Variants in FAM13B observed in about 807,000 individuals in gnomAD.
The protein encoded by FAM13B is protein FAM13B.
A neutral mutation model predicts 117.3 loss-of-function variants in FAM13B; 60 were observed. The observed-to-expected ratio is 0.51, with a 90% CI of 0.42 to 0.63. The LOEUF is 0.63. FAM13B is among the 30% of genes least tolerant of loss of function. FAM13B has a pLI of 0.00. For missense variants in FAM13B, 972 were observed against 1,091.9 expected (o/e 0.89, Z 1.55); for synonymous variants, 332 against 356.1 (o/e 0.93, Z 0.76).
intron 10 of FAM13B, among the ~76,000 whole-genome samples, chr5:137,977,158 G>A (rs1239733516): frequency 1.2e-4 from 18 of 152,122 alleles, no homozygotes. Context: ...ATAAGCCCCA[G>A]TCTCCCATAG....
chr5:138,019,452 T>C (rs745386618), intron 2 of FAM13B, among the ~76,000 whole-genome samples: 1 of 152,186 alleles, frequency 6.6e-6, no homozygotes, highest in African/African-American at 2.4e-5. Flanking sequence ...AGGAGCAAAT[T>C]TGGCTCCAAG....
intron 20 of FAM13B, among the ~76,000 whole-genome samples, 185 bp downstream of exon 20, chr5:137,945,717 C>G (rs990172893): frequency 9.9e-5 from 15 of 152,204 alleles, no homozygotes; most frequent in Non-Finnish European, 2.2e-4. Context: ...AATGCTTACA[C>G]AAGTGTCTGG....
chr5:137,961,160 C>T (rs1378675947), intron 11 of FAM13B, among the ~76,000 whole-genome samples: 1 of 152,118 alleles, frequency 6.6e-6, no homozygotes, highest in South Asian at 2.1e-4. Flanking sequence ...GTAATTACTA[C>T]CTTAGCAGCC....
chr5:138,048,874 G>A (rs892651727), intron 1 of FAM13B, among the ~76,000 whole-genome samples: 8 of 151,332 alleles, frequency 5.3e-5, no homozygotes, highest in Non-Finnish European at 8.8e-5. Context: ...CTACCTCAAT[G>A]TCAGTCTCCT....
Position 138,011,892 on chromosome 5 carries a change from G to A in FAM13B, c.424C>T (p.Leu142Phe), listed in dbSNP as rs1784112651. Residue 142 changes from leucine (L) to phenylalanine (F), a missense_variant, in exon 5 of 24, where the codon CTT (leucine) becomes TTT (phenylalanine). By Grantham distance (22) the Leu-to-Phe change is conservative (BLOSUM62 0). Transcript: ENST00000689681. ...AACAAACTATAATTAACAGGTGGAA[G>A]CTGTTGCAAGAGGAACCTCAACTTT... ...GRKLRFLLQQLPPVNYSLLKF... is the reference protein window; with the variant it reads ...GRKLRFLLQQFPPVNYSLLKF... 10 of 1,600,042 alleles carry A rather than the reference G, an allele frequency of 6.2e-6. No homozygotes were observed. The highest frequency in any genetic ancestry group is 1.7e-4 in the Middle Eastern group (1 of 6,010).
chr5:137,943,241 G>C (rs768437246), intron 20 of FAM13B, 25 bp from the exon 21 acceptor site: 1 of 1,570,992 alleles, frequency 6.4e-7, no homozygotes. Flanking sequence ...AATATAAATA[G>C]TTTTACATTT....
intron 18 of FAM13B, among the ~76,000 whole-genome samples, chr5:137,948,422 T>TTTAC (rs1228405426): frequency 5.3e-5 from 8 of 151,424 alleles, no homozygotes; most frequent in Non-Finnish European, 8.8e-5. Context: ...TATTTATTTA[T>TTTAC]TTACTTATTT....
At chr5:138,033,444 C>G (rs1355056378), upstream of FAM13B, among the ~76,000 whole-genome samples, 1 of 152,234 alleles carries the variant, frequency 6.6e-6, no homozygotes, top group Admixed American at 6.5e-5. Context: ...GAGACCTGAA[C>G]CGAAAACCGC....
At chr5:138,018,276 A>G in intron 4 of FAM13B, 26 bp downstream of exon 4, 1 of 1,555,718 alleles carries the variant, frequency 6.4e-7, no homozygotes, top group South Asian at 1.1e-5. Flanking sequence ...ACAAATGACC[A>G]ATTGATAAGT....
Position 137,962,520 on chromosome 5 carries a change from A to G in FAM13B, c.1180-51T>C, listed in dbSNP as rs970458770. ...TTAATGGAGCTCCCAATACTCAGAT[A>G]AGAGAAGTTGCCAATCTAAATTAGG... is the stretch of plus-strand genomic sequence containing the variant. On this transcript the variant is annotated intron_variant, in intron 10 of 23. Transcript: ENST00000689681. 5.2e-6 allele frequency: 8 copies of G among 1,533,570 alleles called. No homozygotes were observed. In the African/African-American group the frequency reaches 5.5e-5, roughly 11 times the overall value. 95.0% of individuals were successfully genotyped at this position (1,533,570 alleles called of 1,614,324 possible). A position where few individuals can be genotyped will look rare whatever the true frequency, so the allele number is the denominator to read the frequency against.
rs746605721 is a variant in FAM13B, at chr5:137,942,033, C to T, written c.2601G>A (p.Leu867=). The part of the protein sequence containing the change: ...SSRAASMPEL[L]EQLWKARAEK... Reference sequence around the variant, plus strand: ...CAGCTCTGGCTTTCCAAAGTTGTTCCAATAATTCAGGCCTAGAATTGAAAT... The same window carrying T: ...CAGCTCTGGCTTTCCAAAGTTGTTCTAATAATTCAGGCCTAGAATTGAAAT... Residue 867 remains leucine, a synonymous_variant, in exon 23 of 24, where the codon TTG becomes TTA. Coordinates refer to ENST00000689681, the MANE Select transcript of FAM13B (RefSeq NM_001385994.1). The T allele has an allele frequency of 1.9e-6, 3 of 1,613,552 alleles. No individual in the cohort carries two copies. Among genetic ancestry groups the T allele is most frequent in the Non-Finnish European group, 2.5e-6 (3 of 1,179,848 alleles).
At chr5:137,964,921 C>T (rs747859331) in intron 10 of FAM13B, among the ~76,000 whole-genome samples, 33 of 152,024 alleles carry the variant, frequency 2.2e-4, no homozygotes, top group Admixed American at 4.6e-4. Flanking sequence ...AATCCCAACA[C>T]TTTGGGAGGC....
intron 10 of FAM13B, among the ~76,000 whole-genome samples, chr5:137,974,104 G>T (rs1169965490): frequency 2.0e-5 from 3 of 149,330 alleles, no homozygotes; most frequent in Non-Finnish European, 4.5e-5. Context: ...CCCATTACTG[G>T]GTTTATACCC....
chr5:137,941,068 C>A (rs1008880641), intron 23 of FAM13B, among the ~76,000 whole-genome samples: 1 of 152,004 alleles, frequency 6.6e-6, no homozygotes, highest in Non-Finnish European at 1.5e-5. Flanking sequence ...ACCACGCCTG[C>A]CTAATTTTTT....
intron 11 of FAM13B, 77 bp downstream of exon 11, chr5:137,962,327 CT>C: frequency 8.3e-7 from 1 of 1,199,262 alleles, no homozygotes; most frequent in Non-Finnish European, 1.2e-6. Context: ...GGACATTCAT[CT>C]AAAAAAATCA....
At position 137,952,717 on chromosome 5, in the gene FAM13B, A is replaced by G; in HGVS notation, c.1849-8T>C. The stretch of plus-strand genomic sequence containing the variant: ...AATATCACTGTAGGAGGGCTGAAAA[A>G]TTATGGAGCAGAATCACTGACACTT... On this transcript the variant is annotated splice_region_variant and splice_polypyrimidine_tract_variant and intron_variant, in intron 16 of 23. Coordinates refer to ENST00000689681, the MANE Select transcript of FAM13B (RefSeq NM_001385994.1). The G allele has an allele frequency of 1.3e-6, 2 of 1,559,950 alleles. No homozygotes were observed. Among genetic ancestry groups the G allele is most frequent in the Non-Finnish European group, 1.8e-6 (2 of 1,140,298 alleles).
intron 10 of FAM13B, among the ~76,000 whole-genome samples, chr5:137,980,774 G>A (rs1012276133): frequency 2.0e-5 from 3 of 152,098 alleles, no homozygotes; most frequent in Non-Finnish European, 2.9e-5. Context: ...ATTATTTACC[G>A]AGTTGTTTAC....
intron 13 of FAM13B, among the ~76,000 whole-genome samples, chr5:137,957,608 A>T (rs1005926333): frequency 6.6e-6 from 1 of 152,154 alleles, no homozygotes; most frequent in African/African-American, 2.4e-5. Context: ...ATTAGTGACA[A>T]AGTTAGAAGA....
At chr5:138,012,217 T>C (rs1183470593) in intron 4 of FAM13B, among the ~76,000 whole-genome samples, 3 of 2,250 alleles carry the variant, frequency 1.3e-3, no homozygotes, top group African/African-American at 2.7e-3. Context: ...CCCAATTCTC[T>C]TTTTTTTTTT....
Sources: allele counts gnomAD v4.1 joint callset (sites outside exome capture counted in the v4.1 genomes callset), GRCh38; gene constraint gnomAD v4.1.1; transcripts MANE v1.5; gene names NCBI Gene and HGNC (gene_info 2026-07-23, HGNC 2026-07-21).